Variants in OXR1 observed in about 807,000 individuals in gnomAD.
OXR1 encodes the protein oxidation resistance 1.
OXR1 carries 41 observed loss-of-function variants against 104.6 expected under a neutral mutation model. That is an observed-to-expected ratio of 0.39 (90% CI 0.31 to 0.51). OXR1 has a LOEUF of 0.51. OXR1 is among the 20% of genes least tolerant of loss of function. OXR1 has a pLI of 0.77. For missense variants in OXR1, 955 were observed against 1,031.9 expected (o/e 0.93, Z 1.02); for synonymous variants, 348 against 348.4 (o/e 1.00, Z 0.01).
chr8:106,552,953 C>A (rs928060488), intron 3 of OXR1, among the ~76,000 whole-genome samples: 2 of 152,130 alleles, frequency 1.3e-5, no homozygotes, highest in African/African-American at 4.8e-5. Context: ...TCCTGGATAA[C>A]AAAGACTGTT....
At chr8:106,418,850 A>G (rs1283684708) in intron 2 of OXR1, among the ~76,000 whole-genome samples, 1 of 152,176 alleles carries the variant, frequency 6.6e-6, no homozygotes, top group Non-Finnish European at 1.5e-5. Flanking sequence ...CAAAATGTTG[A>G]CAGTGGTTAT....
intron 3 of OXR1, among the ~76,000 whole-genome samples, chr8:106,666,357 G>A (rs189660944): frequency 6.6e-6 from 1 of 152,300 alleles, no homozygotes; most frequent in African/African-American, 2.4e-5. Context: ...TATCTGAATT[G>A]CAGCTAATGC....
chr8:106,628,376 G>A (rs955719254), intron 3 of OXR1, among the ~76,000 whole-genome samples: 8 of 152,118 alleles, frequency 5.3e-5, no homozygotes, highest in Admixed American at 5.2e-4. Context: ...ACAACCCCAA[G>A]AGATGTAAAT....
chr8:106,487,887 A>G (rs1213141622), intron 2 of OXR1, among the ~76,000 whole-genome samples: 10 of 151,888 alleles, frequency 6.6e-5, no homozygotes, highest in Admixed American at 2.0e-4. Context: ...AAACATACGT[A>G]TGCATGTGTC....
Position 106,682,992 on chromosome 8 carries a change from T to C in OXR1, c.304-207T>C, listed in dbSNP as rs566227229. 3.2e-4 allele frequency among the ~76,000 whole-genome samples: 48 copies of C among 152,332 alleles called. 2 individuals carry two copies. In the South Asian group the frequency reaches 9.9e-3, roughly 32 times the overall value. ...AGTAGAGACCTACATGTAAATGTAT[T>C]GTGATGAAGCCTTTACTCTGTATTG... is the stretch of plus-strand genomic sequence containing the variant. On this transcript the variant is annotated intron_variant, in intron 4 of 16. Transcript: ENST00000517566.
At chr8:106,468,920 A>G (rs1322927562) in intron 2 of OXR1, among the ~76,000 whole-genome samples, 1 of 151,582 alleles carries the variant, frequency 6.6e-6, no homozygotes, top group Non-Finnish European at 1.5e-5. Flanking sequence ...GCAGAAAGGT[A>G]GTCAGTCGCC....
At chr8:106,561,138 C>T (rs1029194750) in intron 3 of OXR1, among the ~76,000 whole-genome samples, 2 of 151,940 alleles carry the variant, frequency 1.3e-5, no homozygotes, top group East Asian at 1.9e-4. Flanking sequence ...ACCTCAGAGG[C>T]GCCTAGAACA....
chr8:106,583,704 G>A (rs1440309079), intron 3 of OXR1, among the ~76,000 whole-genome samples: 1 of 152,184 alleles, frequency 6.6e-6, no homozygotes, highest in Non-Finnish European at 1.5e-5. Context: ...AATTTACAGT[G>A]TGGAACTCCT....
Position 106,569,579 on chromosome 8 carries a change from A to G in OXR1, c.220+50440A>G, listed in dbSNP as rs190011553. Among the ~76,000 whole-genome samples, 31 of 152,328 alleles carry G rather than the reference A, an allele frequency of 2.0e-4. No individual in the cohort carries two copies. In the East Asian group the frequency reaches 6.0e-3, roughly 29 times the overall value. On this transcript the variant is annotated intron_variant, in intron 3 of 16. Transcript: ENST00000517566. The stretch of plus-strand genomic sequence containing the variant: ...CCCTTTTCCAGATATACAAGATCCT[A>G]TAACCCAGCGAAGATGCAGTCTCAC...
At chr8:106,530,270 G>A (rs1010088585) in intron 3 of OXR1, among the ~76,000 whole-genome samples, 15 of 151,804 alleles carry the variant, frequency 9.9e-5, no homozygotes, top group African/African-American at 3.1e-4. Context: ...TTCTTCCCAC[G>A]TTGTACCTAA....
chr8:106,569,847 G>A (rs1054929168), intron 3 of OXR1, among the ~76,000 whole-genome samples: 1 of 152,196 alleles, frequency 6.6e-6, no homozygotes. Flanking sequence ...TGGAACATTT[G>A]TAGCTTGTAC....
chr8:106,612,405 T>G (rs571933894), intron 3 of OXR1, among the ~76,000 whole-genome samples: 26 of 152,148 alleles, frequency 1.7e-4, no homozygotes, highest in African/African-American at 6.0e-4. Context: ...TATATAATTT[T>G]GGGGGGGTAT....
At chr8:106,739,351 T>C (rs1834709844) in intron 12 of OXR1, 107 bp from the exon 13 acceptor site, 1 of 984,044 alleles carries the variant, frequency 1.0e-6, no homozygotes, top group Admixed American at 2.2e-5. Context: ...GTTAAAGATT[T>C]AGCCACATTT....
intron 3 of OXR1, among the ~76,000 whole-genome samples, chr8:106,628,743 A>T (rs1023987262): frequency 7.9e-5 from 12 of 152,182 alleles, no homozygotes; most frequent in Admixed American, 2.0e-4. Context: ...CTTCAAGTGT[A>T]ATGGTTGACC....
chr8:106,493,646 C>T (rs967545366), intron 2 of OXR1, among the ~76,000 whole-genome samples: 1 of 152,200 alleles, frequency 6.6e-6, no homozygotes. Flanking sequence ...GAATGTGTTT[C>T]TCTCCCTTCC....
intron 3 of OXR1, among the ~76,000 whole-genome samples, chr8:106,519,740 T>C (rs1212502095): frequency 6.6e-6 from 1 of 152,224 alleles, no homozygotes; most frequent in African/African-American, 2.4e-5. Flanking sequence ...TAATAGGATA[T>C]GGCTTGGGTT....
chr8:106,297,830 G>A (rs546806411), intron 1 of OXR1, among the ~76,000 whole-genome samples: 1 of 152,286 alleles, frequency 6.6e-6, no homozygotes, highest in African/African-American at 2.4e-5. Flanking sequence ...AACACCTTGG[G>A]AAAGGAGTAG....
chr8:106,666,335 A>C (rs1262896380), intron 3 of OXR1, among the ~76,000 whole-genome samples: 1 of 152,244 alleles, frequency 6.6e-6, no homozygotes, highest in Non-Finnish European at 1.5e-5. Context: ...CTAGGCAAAT[A>C]TGGCTATTGA....
At chr8:106,584,257 A>C (rs1373457037) in intron 3 of OXR1, among the ~76,000 whole-genome samples, 1 of 152,004 alleles carries the variant, frequency 6.6e-6, no homozygotes, top group Non-Finnish European at 1.5e-5. Flanking sequence ...AGGGCCAGTC[A>C]TGGAACTCCA....
Sources: gnomAD v4.1 joint callset for allele counts (sites outside exome capture counted in the v4.1 genomes callset) on GRCh38, gnomAD v4.1.1 for gene constraint, MANE v1.5 for transcripts, NCBI Gene and HGNC (gene_info 2026-07-23, HGNC 2026-07-21) for gene names.